Variants in ADAMTS2 observed in about 807,000 individuals in gnomAD.
ADAMTS2 encodes A disintegrin and metalloproteinase with thrombospondin motifs 2.
A neutral mutation model predicts 123.0 loss-of-function variants in ADAMTS2; 50 were observed. The ratio of observed to expected loss-of-function variants is 0.41; its 90% confidence interval spans 0.32 to 0.51. The LOEUF is 0.51. Ranked by LOEUF, ADAMTS2 falls within the 20% of genes least tolerant of loss-of-function variation. The probability of loss-of-function intolerance (pLI) is 0.35; values close to 1 mark genes in which losing one functional copy is unlikely to be tolerated. For synonymous variants in ADAMTS2, 678 were observed against 695.4 expected, an observed-to-expected ratio of 0.98 and a Z score of 0.39; for missense variants, 1,494 against 1,705.2, an observed-to-expected ratio of 0.88 and a Z score of 2.18.
In ADAMTS2 at chr5:179,188,751, G is replaced by C. The variant is rs1764230173; in HGVS notation, c.892-7596C>G. Among the ~76,000 whole-genome samples the C allele has an allele frequency of 1.3e-5, 2 of 152,254 alleles. No individual in the cohort carries two copies. Among genetic ancestry groups the C allele is most frequent in the African/African-American group, 4.8e-5 (2 of 41,550 alleles). On this transcript the variant is annotated intron_variant, in intron 4 of 21. Coordinates refer to ENST00000251582, the MANE Select transcript of ADAMTS2 (RefSeq NM_014244.5). This position sits in a 1 kb window ranked among gnomAD's most constrained non-coding sequence, Gnocchi z 5.1. ...TCCTCAGGCGACGTCTCCTGTGCCT[G>C]TCCACACTCTGCTGATACCTCTGCA... is the stretch of plus-strand genomic sequence containing the variant.
At chr5:179,237,680 C>T (rs1003249105) in intron 3 of ADAMTS2, among the ~76,000 whole-genome samples, 11 of 152,164 alleles carry the variant, frequency 7.2e-5, no homozygotes, top group South Asian at 2.1e-4. Context: ...TTAATGAGGA[C>T]GGAATTAAAG....
Position 179,140,024 on chromosome 5 carries a change from T to C in ADAMTS2, c.1641A>G (p.Lys547=), listed in dbSNP as rs776592829. ...TMCAPGKHCF[K]GHCIWLTPDI... ...CAGGTGTCAGCCAGATGCAGTGTCC[T>C]TTAAAACAATGCTGAAAGACAGGAA... is the stretch of plus-strand genomic sequence containing the variant. The change falls in exon 11 of 22, where the codon AAA becomes AAG. Residue 547 remains lysine (K), a synonymous_variant. Coordinates refer to ENST00000251582, the MANE Select transcript of ADAMTS2 (RefSeq NM_014244.5). 1.1e-5 allele frequency: 18 copies of C among 1,613,910 alleles called. No individual in the cohort carries two copies. Among genetic ancestry groups the C allele is most frequent in the Non-Finnish European group, 1.4e-5 (17 of 1,179,948 alleles).
chr5:179,118,468 G>T lies in ADAMTS2; in HGVS notation c.3178+3193C>A, dbSNP rs905945672. Among the ~76,000 whole-genome samples, 7 of 152,182 alleles carry T rather than the reference G, an allele frequency of 4.6e-5. No individual in the cohort carries two copies. Among genetic ancestry groups the T allele is most frequent in the Admixed American group, 4.6e-4 (7 of 15,278 alleles). ...AGTGAATGACAATCAACCATTGAGAGTAAACACAGTTTTCATAAACTTAAG... is the reference window on the plus strand; with the variant it reads ...AGTGAATGACAATCAACCATTGAGATTAAACACAGTTTTCATAAACTTAAG... On this transcript the variant is annotated intron_variant, in intron 21 of 21. Coordinates refer to ENST00000251582, the MANE Select transcript of ADAMTS2 (RefSeq NM_014244.5). This position sits in a 1 kb window ranked among gnomAD's most constrained non-coding sequence, Gnocchi z 4.5.
chr5:179,266,243 A>T (rs1477347896), intron 3 of ADAMTS2, among the ~76,000 whole-genome samples: 1 of 152,180 alleles, frequency 6.6e-6, no homozygotes, highest in Non-Finnish European at 1.5e-5. Context: ...CCATGTCCTA[A>T]TCCCCCAAAA....
intron 3 of ADAMTS2, among the ~76,000 whole-genome samples, chr5:179,264,594 G>A (rs17670161): frequency 0.18 from 26,910 of 152,256 alleles, 3,012 homozygotes; most frequent in East Asian, 0.37. Context: ...TGCAAAACCC[G>A]AAAAGCTCTT....
Position 179,272,846 on chromosome 5 carries a change from G to A in ADAMTS2, c.688+65C>T. 1.3e-6 allele frequency: 2 copies of A among 1,564,736 alleles called. No individual in the cohort carries two copies. Among genetic ancestry groups the A allele is most frequent in the South Asian group, 1.1e-5 (1 of 87,592 alleles). On this transcript the variant is annotated intron_variant, in intron 3 of 21. Transcript: ENST00000251582. This position sits in a 1 kb window ranked among gnomAD's most constrained non-coding sequence, Gnocchi z 5.8. ...GGAGAGCTGCCTGAGTCTCTGGGAT[G>A]CTCCCCTGGGGACCAGGGCCTCAGA...
chr5:179,204,098 G>A (rs758221190), intron 4 of ADAMTS2, among the ~76,000 whole-genome samples: 1 of 152,186 alleles, frequency 6.6e-6, no homozygotes, highest in Non-Finnish European at 1.5e-5. Context: ...AGACACAAAA[G>A]GACAATTATT....
At position 179,272,540 on chromosome 5, in the gene ADAMTS2, C is replaced by A. The variant is rs573700288; in HGVS notation, c.688+371G>T. Among the ~76,000 whole-genome samples, 1 of 152,192 alleles carries A rather than the reference C, an allele frequency of 6.6e-6. No homozygotes were observed. The highest frequency in any genetic ancestry group is 2.4e-5 in the African/African-American group (1 of 41,448). ...CTCTTCACAGGCACAGACTCAGAGACGCAGGCACTGGACTCAGGCCTGGCC... is the reference window on the plus strand; with the variant it reads ...CTCTTCACAGGCACAGACTCAGAGAAGCAGGCACTGGACTCAGGCCTGGCC... On this transcript the variant is annotated intron_variant, in intron 3 of 21. Transcript: ENST00000251582. This position sits in a 1 kb window ranked among gnomAD's most constrained non-coding sequence, Gnocchi z 5.8.
intron 2 of ADAMTS2, among the ~76,000 whole-genome samples, chr5:179,336,419 G>A (rs933888209): frequency 2.6e-5 from 4 of 152,216 alleles, no homozygotes; most frequent in African/African-American, 9.6e-5. Context: ...CTCAGTTCCC[G>A]GGAGCCGTGA....
rs551881803 is a variant in ADAMTS2, at chr5:179,308,958, C to T, written c.534+34809G>A. 2.4e-4 allele frequency among the ~76,000 whole-genome samples: 37 copies of T among 152,186 alleles called. No homozygotes were observed. Among genetic ancestry groups the T allele is most frequent in the African/African-American group, 8.9e-4 (37 of 41,444 alleles). ...AGGACAGGCCAGGCCATGGTGAGGC[C>T]CTGGGTCCAGGGAAAGATACGAAGA... On this transcript the variant is annotated intron_variant, in intron 2 of 21. Coordinates refer to ENST00000251582, the MANE Select transcript of ADAMTS2 (RefSeq NM_014244.5). The surrounding 1 kb of genome is among the most constrained non-coding windows in gnomAD (Gnocchi z 6.6).
In ADAMTS2 at chr5:179,122,899, G is replaced by A. The variant is rs1451005169; in HGVS notation, c.2959-126C>T. 1.1e-5 allele frequency: 16 copies of A among 1,450,766 alleles called. No individual in the cohort carries two copies. The Admixed American group carries it at 2.8e-4, about 25-fold the overall frequency. 89.9% of individuals were successfully genotyped at this position (1,450,766 alleles called of 1,614,324 possible). On this transcript the variant is annotated intron_variant, in intron 19 of 21. Coordinates refer to ENST00000251582, the MANE Select transcript of ADAMTS2 (RefSeq NM_014244.5). Reference sequence around the variant, plus strand: ...TCAGGAGGAGGTGTGGGACAGTGGGGAGAGTGGGGTTTCAGGTTGCCTTGC... The same window carrying A: ...TCAGGAGGAGGTGTGGGACAGTGGGAAGAGTGGGGTTTCAGGTTGCCTTGC...
In ADAMTS2 at chr5:179,181,862, AG is replaced by A. The variant is rs1390854821; in HGVS notation, c.892-708del. On this transcript the variant is annotated intron_variant, in intron 4 of 21. Coordinates refer to ENST00000251582, the MANE Select transcript of ADAMTS2 (RefSeq NM_014244.5). The surrounding 1 kb of genome is among the most constrained non-coding windows in gnomAD (Gnocchi z 4.1). ...TCAAAGGGACCCGTGGCACAAAAAC[AG>A]GGGGGTGAACTCCCCTTCTACAGAA... is the stretch of plus-strand genomic sequence containing the variant. 3.3e-5 allele frequency among the ~76,000 whole-genome samples: 5 copies of A among 150,112 alleles called. No homozygotes were observed. The highest frequency in any genetic ancestry group is 7.5e-5 in the Non-Finnish European group (5 of 66,738).
At chr5:179,241,467 T>C (rs1212549689) in intron 3 of ADAMTS2, among the ~76,000 whole-genome samples, 1 of 152,216 alleles carries the variant, frequency 6.6e-6, no homozygotes, top group Non-Finnish European at 1.5e-5. Flanking sequence ...CGGGTTGTTA[T>C]TCTGCTCTTT....
At chr5:179,203,365 A>G (rs929504150) in intron 4 of ADAMTS2, among the ~76,000 whole-genome samples, 15 of 152,184 alleles carry the variant, frequency 9.9e-5, no homozygotes, top group Admixed American at 5.9e-4. Flanking sequence ...AGCTCCAGAC[A>G]AACACCTCAC....
rs1258830813 is a variant in ADAMTS2, at chr5:179,345,213, A to G, written c.116T>C (p.Leu39Pro). The change falls in exon 1 of 22, where the codon CTC becomes CCC. Residue 39 changes from leucine (L) to proline (P), a missense_variant. Leu to Pro is a moderately conservative substitution (Grantham distance 98). Around this residue, in one of 6 missense-constraint regions of ADAMTS2, gnomAD observed 237 missense variants for 233.7 expected, o/e 1.01. Coordinates refer to ENST00000251582, the MANE Select transcript of ADAMTS2 (RefSeq NM_014244.5). This position sits in a 1 kb window ranked among gnomAD's most constrained non-coding sequence, Gnocchi z 7.5. ...PPPPPPANAR[L>P]AAAADPPGGP... Reference sequence around the variant, plus strand: ...ACCTGGGGGGTCGGCGGCGGCGGCGAGCCTGGCGTTCGCGGGCGGCGGCGG... The same window carrying G: ...ACCTGGGGGGTCGGCGGCGGCGGCGGGCCTGGCGTTCGCGGGCGGCGGCGG... The G allele has an allele frequency of 1.3e-5, 14 of 1,117,810 alleles. No homozygotes were observed. In the African/African-American group the frequency reaches 2.2e-4, roughly 17 times the overall value. 69.2% of individuals were successfully genotyped at this position (1,117,810 alleles called of 1,614,324 possible). A position where few individuals can be genotyped will look rare whatever the true frequency, so the allele number is the denominator to read the frequency against.
rs1302864297 is a variant in ADAMTS2, at chr5:179,132,637, C to G, written c.2209+140G>C. 1.0e-5 allele frequency: 13 copies of G among 1,255,816 alleles called. No individual in the cohort carries two copies. Among genetic ancestry groups the G allele is most frequent in the South Asian group, 2.5e-5 (2 of 80,464 alleles). The allele number at this position is 1,255,816 out of a possible 1,614,324, so 77.8% of individuals were successfully genotyped here. ...CCCCGACTTAGGATTCTCCCTCCCC[C>G]TCAGTGTCACAGACCTCTCCCCCTC... On this transcript the variant is annotated intron_variant, in intron 14 of 21. Transcript: ENST00000251582. The surrounding 1 kb of genome is among the most constrained non-coding windows in gnomAD (Gnocchi z 6.1).
At chr5:179,329,574 CA>C (rs2127458868) in intron 2 of ADAMTS2, among the ~76,000 whole-genome samples, 1 of 152,172 alleles carries the variant, frequency 6.6e-6, no homozygotes, top group East Asian at 1.9e-4. Context: ...AAAATCAAGT[CA>C]GGAAAAAAGC....
Position 179,137,939 on chromosome 5 carries a change from G to A in ADAMTS2, c.1781C>T (p.Ala594Val). The A allele has an allele frequency of 1.9e-6, 3 of 1,546,182 alleles. No homozygotes were observed. The highest frequency in any genetic ancestry group is 2.6e-6 in the Non-Finnish European group (3 of 1,147,464). Residue 594 changes from alanine (A) to valine (V), a missense_variant, in exon 12 of 22, where the codon GCC becomes GTC. By Grantham distance (64) the Ala-to-Val change is moderately conservative. Transcript: ENST00000251582. ...GCCCGAGCAGGTGCGGCCCCCGTTG[G>A]CCGGGCTGGAGGAGAAAGCAAAGGC... The part of the protein sequence containing the change: ...RTRQCDNPHP[A>V]NGGRTCSGLA...
intron 3 of ADAMTS2, among the ~76,000 whole-genome samples, chr5:179,222,403 C>A (rs1765146534): frequency 6.6e-6 from 1 of 152,220 alleles, no homozygotes; most frequent in African/African-American, 2.4e-5. Context: ...CCAACCGGGG[C>A]AGGTGGCAGG....
Sources: allele counts gnomAD v4.1 joint callset (sites outside exome capture counted in the v4.1 genomes callset), GRCh38; gene constraint gnomAD v4.1.1; regional missense constraint gnomAD v4.1.1; non-coding constraint Gnocchi (gnomAD v3.1); transcripts MANE v1.5; gene names NCBI Gene and HGNC (gene_info 2026-07-23, HGNC 2026-07-21).